FANCC: variants seen among roughly 807,000 people sequenced by gnomAD.
FANCC encodes Fanconi anemia group C protein.
In FANCC, 55 loss-of-function variants were observed where a neutral mutation model predicts 71.3. That is an observed-to-expected ratio of 0.77 (90% CI 0.62 to 0.97). The LOEUF (loss-of-function observed/expected upper bound fraction) is 0.97, where lower values mean the gene tolerates loss of function less well. FANCC is among the 50% of genes least tolerant of loss of function. The probability of loss-of-function intolerance (pLI) is 0.00; values close to 1 mark genes in which losing one functional copy is unlikely to be tolerated. For missense variants in FANCC, 678 were observed against 670.9 expected (o/e 1.01, Z -0.12); for synonymous variants, 275 against 244.9 (o/e 1.12, Z -1.15).
intron 10 of FANCC, 30 bp downstream of exon 10, chr9:95,125,053 GGAT>G: frequency 1.3e-6 from 2 of 1,550,560 alleles, no homozygotes; most frequent in Non-Finnish European, 1.8e-6. Context: ...TTATTCTCTG[GGAT>G]GAATGAGTAA....
chr9:95,248,832 G>A lies in FANCC; in HGVS notation c.165+295C>T, dbSNP rs531944052. 5.9e-5 allele frequency among the ~76,000 whole-genome samples: 9 copies of A among 152,122 alleles called. No individual in the cohort carries two copies. The East Asian group carries it at 1.7e-3, about 29-fold the overall frequency. ...TTCTCCAAGATTCAAGGGACACAAA[G>A]GCCTTCAAAAGAATCCCATTTACTA... On this transcript the variant is annotated intron_variant, in intron 2 of 14. Transcript: ENST00000289081.
At chr9:95,304,842 A>G (rs1834983309) in intron 1 of FANCC, among the ~76,000 whole-genome samples, 1 of 151,122 alleles carries the variant, frequency 6.6e-6, no homozygotes, top group Non-Finnish European at 1.5e-5. Context: ...CTTTATGCTG[A>G]TGGAAATAGC....
In FANCC at chr9:95,290,548, A is replaced by G. The variant is rs891747923; in HGVS notation, c.-79+26978T>C. Among the ~76,000 whole-genome samples, 4 of 152,314 alleles carry G rather than the reference A, an allele frequency of 2.6e-5. No individual in the cohort carries two copies. In the South Asian group the frequency reaches 8.3e-4, roughly 32 times the overall value. The stretch of plus-strand genomic sequence containing the variant: ...GAAGTGACACAGGGAATCACAGCCA[A>G]TGAAAGGAGGGTTATTAAGCCAACT... On this transcript the variant is annotated intron_variant, in intron 1 of 14. Coordinates refer to ENST00000289081, the MANE Select transcript of FANCC (RefSeq NM_000136.3).
In FANCC at chr9:95,150,006, C is replaced by G. The variant is rs1060502516; in HGVS notation, c.603G>C (p.Glu201Asp). 1 of 1,614,066 alleles carries G rather than the reference C, an allele frequency of 6.2e-7. No homozygotes were observed. Among genetic ancestry groups the G allele is most frequent in the East Asian group, 2.2e-5 (1 of 44,872 alleles). Residue 201 changes from glutamate to aspartate, a missense_variant, in exon 7 of 15, where the codon GAG (glutamate) becomes GAC (aspartate). Glu to Asp is a conservative substitution (Grantham distance 45). Coordinates refer to ENST00000289081, the MANE Select transcript of FANCC (RefSeq NM_000136.3). Reference protein sequence around the residue: ...ITLTDVDPLVEALLICHGREP... With the variant: ...ITLTDVDPLVDALLICHGREP... ...CACGTCCATGACAGATGAGGAGAGC[C>G]TCCACCAGGGGGTCAACATCTGTCA...
At chr9:95,159,166 A>G (rs1004100206) in intron 6 of FANCC, among the ~76,000 whole-genome samples, 1 of 152,004 alleles carries the variant, frequency 6.6e-6, no homozygotes, top group South Asian at 2.1e-4. Context: ...ATTTCTCCTA[A>G]TGCTATCCCT....
chr9:95,181,468 C>G (rs953820079), intron 4 of FANCC, among the ~76,000 whole-genome samples: 2 of 152,078 alleles, frequency 1.3e-5, no homozygotes, highest in Admixed American at 1.3e-4. Flanking sequence ...AGTCTAAACA[C>G]AAAACCATTA....
At chr9:95,311,875 T>C (rs1468402077) in intron 1 of FANCC, among the ~76,000 whole-genome samples, 1 of 152,158 alleles carries the variant, frequency 6.6e-6, no homozygotes, top group African/African-American at 2.4e-5. Context: ...AAAAGCATCA[T>C]TGGGGCTCTA....
intron 4 of FANCC, among the ~76,000 whole-genome samples, chr9:95,203,675 G>T (rs925581840): frequency 1.6e-4 from 24 of 152,016 alleles, no homozygotes; most frequent in African/African-American, 5.8e-4. Context: ...TAATTAATAT[G>T]AGATAATAAC....
chr9:95,245,159 T>C (rs1830886316), intron 3 of FANCC, among the ~76,000 whole-genome samples: 1 of 152,194 alleles, frequency 6.6e-6, no homozygotes, highest in Non-Finnish European at 1.5e-5. Context: ...CCCCTAACAA[T>C]GGGTACTGCT....
At chr9:95,103,487 C>T (rs1022652262) in intron 14 of FANCC, among the ~76,000 whole-genome samples, 28 of 152,128 alleles carry the variant, frequency 1.8e-4, no homozygotes, top group African/African-American at 6.8e-4. Flanking sequence ...AAGTGTGAAT[C>T]CAGGACAGGA....
chr9:95,195,935 G>A (rs1364046999), intron 4 of FANCC, among the ~76,000 whole-genome samples: 1 of 152,164 alleles, frequency 6.6e-6, no homozygotes, highest in African/African-American at 2.4e-5. Flanking sequence ...AGATGGAGTT[G>A]ACTGTTGTGT....
intron 1 of FANCC, among the ~76,000 whole-genome samples, chr9:95,257,092 C>CT (rs1245555875): frequency 1.3e-5 from 2 of 152,192 alleles, no homozygotes; most frequent in Non-Finnish European, 2.9e-5. Flanking sequence ...CAGTGGGACA[C>CT]TTTAACACTC....
chr9:95,259,210 CA>C (rs202100790), intron 1 of FANCC, among the ~76,000 whole-genome samples: 1 of 151,540 alleles, frequency 6.6e-6, no homozygotes, highest in Non-Finnish European at 1.5e-5. Context: ...CATATGGAAC[CA>C]AAAAAAAGTC....
At chr9:95,155,431 A>C (rs1830421472) in intron 6 of FANCC, among the ~76,000 whole-genome samples, 1 of 151,900 alleles carries the variant, frequency 6.6e-6, no homozygotes, top group Admixed American at 6.6e-5. Flanking sequence ...CTTATTTCCA[A>C]AACAGCAAAA....
At chr9:95,129,773 C>T (rs1826601421) in intron 8 of FANCC, among the ~76,000 whole-genome samples, 1 of 152,112 alleles carries the variant, frequency 6.6e-6, no homozygotes, top group South Asian at 2.1e-4. Flanking sequence ...TCCTTCCCTC[C>T]TTATCTCCCC....
intron 1 of FANCC, among the ~76,000 whole-genome samples, chr9:95,291,975 T>A (rs62558273): frequency 0.013 from 1,559 of 123,038 alleles, 24 homozygotes; most frequent in Non-Finnish European, 0.02. Context: ...AAAATATATA[T>A]ATATATATAT....
At chr9:95,255,668 G>A (rs907896882) in intron 1 of FANCC, among the ~76,000 whole-genome samples, 5 of 152,084 alleles carry the variant, frequency 3.3e-5, no homozygotes, top group African/African-American at 1.2e-4. Context: ...CTCCTCTCCA[G>A]CAAGGGAACA....
At chr9:95,164,573 C>A (rs1208468342) in intron 6 of FANCC, among the ~76,000 whole-genome samples, 1 of 152,038 alleles carries the variant, frequency 6.6e-6, no homozygotes, top group East Asian at 1.9e-4. Context: ...GGTTTTTGTT[C>A]ATCATTTTAT....
At chr9:95,247,019 A>G (rs1030389104) in intron 3 of FANCC, among the ~76,000 whole-genome samples, 2 of 152,194 alleles carry the variant, frequency 1.3e-5, no homozygotes, top group Admixed American at 6.5e-5. Context: ...ACAACATGGG[A>G]AAGAGTGTGT....
Sources: allele counts gnomAD v4.1 joint callset (sites outside exome capture counted in the v4.1 genomes callset), GRCh38; gene constraint gnomAD v4.1.1; transcripts MANE v1.5; gene names NCBI Gene and HGNC (gene_info 2026-07-23, HGNC 2026-07-21).